SLC24A2: variants seen among roughly 807,000 people sequenced by gnomAD.
The protein encoded by SLC24A2 is solute carrier family 24 member 2, also known as sodium/potassium/calcium exchanger 2.
SLC24A2 carries 36 observed loss-of-function variants against 62.0 expected under a neutral mutation model. The observed-to-expected ratio is 0.58, with a 90% CI of 0.44 to 0.77. The LOEUF (loss-of-function observed/expected upper bound fraction) is 0.77, where lower values mean the gene tolerates loss of function less well. Among genes scored for constraint, SLC24A2 ranks in the 30% least tolerant of loss-of-function variants. The probability of loss-of-function intolerance (pLI) is 0.00; values close to 1 mark genes in which losing one functional copy is unlikely to be tolerated. For missense variants in SLC24A2, 846 were observed against 817.9 expected (o/e 1.03, Z -0.42); for synonymous variants, 358 against 294.0 (o/e 1.22, Z -2.23).
chr9:19,914,883 C>A, the SLC24A2 span, among the ~76,000 whole-genome samples: 7 of 152,126 alleles, frequency 4.6e-5, no homozygotes, highest in East Asian at 1.3e-3. Context: ...AGCTGAGGTG[C>A]TTCAGGAGTT....
At chr9:19,582,665 C>G (rs1488293942) in intron 5 of SLC24A2, among the ~76,000 whole-genome samples, 2 of 152,048 alleles carry the variant, frequency 1.3e-5, no homozygotes, top group Non-Finnish European at 2.9e-5. Flanking sequence ...TGTGTCTGAA[C>G]TTTCCTCCCA....
At chr9:19,870,236 G>T in the SLC24A2 span, among the ~76,000 whole-genome samples, 1 of 151,938 alleles carries the variant, frequency 6.6e-6, no homozygotes, top group Non-Finnish European at 1.5e-5. Flanking sequence ...TTTCTCTATG[G>T]ATTTGCCTAT....
the SLC24A2 span, among the ~76,000 whole-genome samples, chr9:20,258,817 T>TTATCTATC: frequency 1.9e-5 from 2 of 104,740 alleles, no homozygotes; most frequent in African/African-American, 6.7e-5. Flanking sequence ...TCTATCTACC[T>TTATCTATC]TATCTATCTA....
the SLC24A2 span, among the ~76,000 whole-genome samples, chr9:20,213,750 A>G: frequency 1.3e-5 from 2 of 152,224 alleles, no homozygotes; most frequent in African/African-American, 4.8e-5. Context: ...AAACTTATGT[A>G]AACTAATAAC....
chr9:19,629,754 CTTTGA>C (rs1278553877), intron 2 of SLC24A2, among the ~76,000 whole-genome samples: 2 of 152,256 alleles, frequency 1.3e-5, no homozygotes, highest in East Asian at 1.9e-4. Context: ...TGGGCTCAGT[CTTTGA>C]TTTATTTCTG....
chr9:19,987,131 T>C, the SLC24A2 span, among the ~76,000 whole-genome samples: 1 of 151,934 alleles, frequency 6.6e-6, no homozygotes, highest in Non-Finnish European at 1.5e-5. Context: ...GCTCTGTTGA[T>C]ATAGATTGGA....
Position 19,771,412 on chromosome 9 carries a change from A to G in SLC24A2, c.930+14525T>C, listed in dbSNP as rs547417255. 2.6e-5 allele frequency among the ~76,000 whole-genome samples: 4 copies of G among 152,324 alleles called. No individual in the cohort carries two copies. The South Asian group carries it at 8.3e-4, about 32-fold the overall frequency. ...CCATCTCACCTTCACTTAGACTTTC[A>G]AGGTCAGAGCTATTTGTGGCTATCC... On this transcript the variant is annotated intron_variant, in intron 2 of 10. Coordinates refer to ENST00000341998, the MANE Select transcript of SLC24A2 (RefSeq NM_020344.4).
chr9:19,667,460 C>T (rs1456937864), intron 2 of SLC24A2, among the ~76,000 whole-genome samples: 1 of 152,124 alleles, frequency 6.6e-6, no homozygotes, highest in Admixed American at 6.6e-5. Context: ...GTAGTTCTAC[C>T]TCCCAATTAC....
chr9:20,094,921 T>C, the SLC24A2 span, among the ~76,000 whole-genome samples: 1 of 152,184 alleles, frequency 6.6e-6, no homozygotes, highest in African/African-American at 2.4e-5. Context: ...CCTTTCAAAG[T>C]TGCCACTTTT....
intron 2 of SLC24A2, among the ~76,000 whole-genome samples, chr9:19,643,421 C>T (rs376036181): frequency 1.3e-5 from 2 of 152,150 alleles, no homozygotes; most frequent in Non-Finnish European, 2.9e-5. Context: ...GGTACCACCA[C>T]TAAATCTGAA....
intron 2 of SLC24A2, among the ~76,000 whole-genome samples, chr9:19,680,257 G>A (rs1819682059): frequency 6.6e-6 from 1 of 152,138 alleles, no homozygotes. Flanking sequence ...CTTCAGCTGA[G>A]TTCTGAAGGA....
chr9:19,934,431 C>A, the SLC24A2 span, among the ~76,000 whole-genome samples: 1 of 152,110 alleles, frequency 6.6e-6, no homozygotes, highest in Non-Finnish European at 1.5e-5. This position sits in a 1 kb window ranked among gnomAD's most constrained non-coding sequence, Gnocchi z 4.1. Flanking sequence ...CGGACCCCCG[C>A]GCACCCCCGG....
chr9:20,229,719 T>C, the SLC24A2 span, among the ~76,000 whole-genome samples: 17 of 152,266 alleles, frequency 1.1e-4, no homozygotes, highest in African/African-American at 4.1e-4. Context: ...ATTATTTTTC[T>C]ATTTCTTTTT....
At chr9:20,282,197 C>T in the SLC24A2 span, among the ~76,000 whole-genome samples, 2 of 152,094 alleles carry the variant, frequency 1.3e-5, no homozygotes, top group African/African-American at 4.8e-5. Flanking sequence ...ATTAGAGTGC[C>T]AACTACAAAT....
At chr9:19,637,860 G>T in intron 2 of SLC24A2, among the ~76,000 whole-genome samples, 1 of 152,164 alleles carries the variant, frequency 6.6e-6, no homozygotes, top group Middle Eastern at 3.2e-3. Flanking sequence ...GGAGAGGACA[G>T]GTGTGGAATA....
the SLC24A2 span, among the ~76,000 whole-genome samples, chr9:20,067,976 G>GAACT: frequency 6.6e-6 from 1 of 150,770 alleles, no homozygotes; most frequent in African/African-American, 2.4e-5. Flanking sequence ...CACAGTGGCT[G>GAACT]AACTAATTTA....
At chr9:19,542,093 G>A (rs1834295173) in intron 8 of SLC24A2, among the ~76,000 whole-genome samples, 1 of 152,158 alleles carries the variant, frequency 6.6e-6, no homozygotes, top group South Asian at 2.1e-4. Context: ...ACACTGGCCT[G>A]CGCCCACTGT....
the SLC24A2 span, among the ~76,000 whole-genome samples, chr9:20,126,083 T>C: frequency 6.6e-6 from 1 of 152,162 alleles, no homozygotes; most frequent in East Asian, 1.9e-4. Flanking sequence ...GGTGTTTTTT[T>C]TGTGTGTGTA....
At chr9:20,194,537 A>G in the SLC24A2 span, among the ~76,000 whole-genome samples, 1 of 152,156 alleles carries the variant, frequency 6.6e-6, no homozygotes, top group Non-Finnish European at 1.5e-5. Flanking sequence ...TTTATTTAAC[A>G]GAGTTTATTG....
Sources: allele counts gnomAD v4.1 joint callset (sites outside exome capture counted in the v4.1 genomes callset), GRCh38; gene constraint gnomAD v4.1.1; non-coding constraint Gnocchi (gnomAD v3.1); transcripts MANE v1.5; gene names NCBI Gene and HGNC (gene_info 2026-07-23, HGNC 2026-07-21).